The following MYT1L variants were observed in gnomAD, a reference collection of about 807,000 sequenced individuals.
MYT1L encodes the protein myelin transcription factor 1-like protein.
In MYT1L, 12 loss-of-function variants were observed where a neutral mutation model predicts 126.7. The ratio of observed to expected loss-of-function variants is 0.09; its 90% CI spans 0.06 to 0.15. The LOEUF (loss-of-function observed/expected upper bound fraction) is 0.15. Among genes scored for constraint, MYT1L ranks in the 10% least tolerant of loss-of-function variants. The pLI is 1.00. For synonymous variants in MYT1L, 541 were observed against 604.2 expected, an observed-to-expected ratio of 0.90 and a Z score of 1.53; for missense variants, 979 against 1,585.2, an observed-to-expected ratio of 0.62 and a Z score of 6.49.
rs1165899107 is a variant in MYT1L at position 1,789,510 on chromosome 2, T to C, written c.*2357A>G. On this transcript the variant is annotated 3_prime_UTR_variant, in exon 25 of 25. Transcript: ENST00000647738. ...ATAATAGTCACAGATAACTTTTGATTTGAGATTATGTACCAACGTTAGATG... is the reference window on the plus strand; with the variant it reads ...ATAATAGTCACAGATAACTTTTGATCTGAGATTATGTACCAACGTTAGATG... 1 of 152,222 alleles carries C rather than the reference T, an allele frequency of 6.6e-6. No individual in the cohort carries two copies. Among genetic ancestry groups the C allele is most frequent in the Non-Finnish European group, 1.5e-5 (1 of 68,042 alleles). 9.4% of individuals were successfully genotyped at this position (152,222 alleles called of 1,614,324 possible).
chr2:2,240,517 C>T (rs1440831525), intron 2 of MYT1L, among the ~76,000 whole-genome samples: 1 of 152,090 alleles, frequency 6.6e-6, no homozygotes. Flanking sequence ...TTTATTGCTA[C>T]TTTGAAATAG....
chr2:1,815,107 G>T (rs2037410507), intron 21 of MYT1L, among the ~76,000 whole-genome samples: 1 of 152,212 alleles, frequency 6.6e-6, no homozygotes, highest in African/African-American at 2.4e-5. Flanking sequence ...AACCATGAAA[G>T]GCAGATGTCA....
chr2:1,964,877 G>A (rs2059218360), intron 8 of MYT1L, among the ~76,000 whole-genome samples: 1 of 152,158 alleles, frequency 6.6e-6, no homozygotes, highest in African/African-American at 2.4e-5. Context: ...CTGCTGACAA[G>A]GAGCTTGGGG....
Position 1,917,454 on chromosome 2 carries a change from G to A in MYT1L, c.1484-115C>T. 1 of 1,280,178 alleles carries A rather than the reference G, an allele frequency of 7.8e-7. No homozygotes were observed. Among genetic ancestry groups the A allele is most frequent in the East Asian group, 2.3e-5 (1 of 42,820 alleles). The allele number at this position is 1,280,178 out of a possible 1,614,324, so 79.3% of individuals were successfully genotyped here. ...GAAAGAAATAAAGCAGGTGTCGGGG[G>A]CTAGGCTGTGACATCAGACTTTTGC... On this transcript the variant is annotated intron_variant, in intron 10 of 24. Transcript: ENST00000647738. This position sits in a 1 kb window ranked among gnomAD's most constrained non-coding sequence, Gnocchi z 5.9.
intron 8 of MYT1L, among the ~76,000 whole-genome samples, chr2:1,970,998 C>T (rs191053156): frequency 2.4e-4 from 37 of 152,166 alleles, no homozygotes; most frequent in Admixed American, 1.0e-3. Flanking sequence ...TGTTCCTTCT[C>T]CTTGAATTGG....
At chr2:1,961,376 C>T (rs546092114) in intron 8 of MYT1L, among the ~76,000 whole-genome samples, 7 of 152,308 alleles carry the variant, frequency 4.6e-5, no homozygotes, top group Admixed American at 4.6e-4. Flanking sequence ...TTACCCACTC[C>T]TTCTTGGTCT....
chr2:2,016,583 A>G (rs1391961885), intron 4 of MYT1L, among the ~76,000 whole-genome samples: 1 of 152,244 alleles, frequency 6.6e-6, no homozygotes, highest in Non-Finnish European at 1.5e-5. Context: ...CACAGCACTC[A>G]GTGGCTGCTG....
intron 10 of MYT1L, among the ~76,000 whole-genome samples, chr2:1,919,940 G>C (rs754816646): frequency 2.0e-5 from 3 of 150,278 alleles, no homozygotes; most frequent in Non-Finnish European, 4.4e-5. Context: ...GGATGGTCTC[G>C]ATCTCCTGAC....
At chr2:1,924,069 G>A (rs1367989767) in intron 9 of MYT1L, among the ~76,000 whole-genome samples, 2 of 152,210 alleles carry the variant, frequency 1.3e-5, no homozygotes, top group Non-Finnish European at 1.5e-5. Flanking sequence ...GACTGGACAG[G>A]CAGAGCTGGC....
At chr2:1,893,380 C>T (rs1288029209) in intron 14 of MYT1L, among the ~76,000 whole-genome samples, 1 of 152,182 alleles carries the variant, frequency 6.6e-6, no homozygotes, top group African/African-American at 2.4e-5. Context: ...TAAATCCCTC[C>T]GTCAGTGAGC....
chr2:2,191,188 A>G (rs1002847072), intron 2 of MYT1L, among the ~76,000 whole-genome samples: 1 of 152,136 alleles, frequency 6.6e-6, no homozygotes, highest in Non-Finnish European at 1.5e-5. Flanking sequence ...CATGGATGGA[A>G]TGGCTCCCTT....
At chr2:1,885,351 T>C (rs1302376031) in intron 18 of MYT1L, 1 of 152,708 alleles carries the variant, frequency 6.5e-6, no homozygotes, top group Non-Finnish European at 1.5e-5. Flanking sequence ...GCTACAGACT[T>C]TACAGCCGTT....
In MYT1L at chr2:2,250,620, T is replaced by C. The variant is rs536788147; in HGVS notation, c.-421+33784A>G. Among the ~76,000 whole-genome samples, 15 of 150,074 alleles carry C rather than the reference T, an allele frequency of 1.0e-4. No individual in the cohort carries two copies. In the South Asian group the frequency reaches 2.9e-3, roughly 29 times the overall value. ...ATTTGATAGCACAACAAAGAGACTA[T>C]AGTCAATAATAATTTAATTGTACAC... On this transcript the variant is annotated intron_variant, in intron 2 of 24. Transcript: ENST00000647738.
chr2:2,330,510 T>G (rs933894496), intron 1 of MYT1L, among the ~76,000 whole-genome samples: 1 of 152,202 alleles, frequency 6.6e-6, no homozygotes, highest in Non-Finnish European at 1.5e-5. Context: ...AAAATCTTTA[T>G]TTGAGTTTCT....
chr2:2,220,115 C>T (rs11681135), intron 2 of MYT1L, among the ~76,000 whole-genome samples: 23,974 of 152,062 alleles, frequency 0.16, 2,188 homozygotes, highest in South Asian at 0.25. Context: ...GAGTCTAACT[C>T]TGTGAAATAT....
intron 1 of MYT1L, among the ~76,000 whole-genome samples, chr2:2,290,069 C>T (rs1360991233): frequency 2.0e-5 from 3 of 152,204 alleles, no homozygotes; most frequent in African/African-American, 4.8e-5. Flanking sequence ...AACTCAGCAT[C>T]GCAACGCTGC....
chr2:2,036,632 T>C (rs2066886595), intron 4 of MYT1L, among the ~76,000 whole-genome samples: 1 of 152,246 alleles, frequency 6.6e-6, no homozygotes, highest in African/African-American at 2.4e-5. Flanking sequence ...TGAGTCTTTA[T>C]GATTTTATCT....
chr2:1,964,321 A>C (rs1475215696), intron 8 of MYT1L, among the ~76,000 whole-genome samples: 1 of 152,256 alleles, frequency 6.6e-6, no homozygotes, highest in African/African-American at 2.4e-5. Flanking sequence ...CATAACAGAC[A>C]TAACAATAAT....
rs537963400 is a variant in MYT1L, at chr2:1,884,294, G to A, written c.2711+2245C>T. Among the ~76,000 whole-genome samples the A allele has an allele frequency of 1.2e-3, 189 of 152,306 alleles. 1 individual carries two copies. The highest frequency in any genetic ancestry group is 4.4e-3 in the African/African-American group (182 of 41,566). On this transcript the variant is annotated intron_variant, in intron 18 of 24. Transcript: ENST00000647738. Reference sequence around the variant, plus strand: ...TAATATCACGATGTTAATCAGGGACGATGCTGCTGCAGGACAAATTAACCA... The same window carrying A: ...TAATATCACGATGTTAATCAGGGACAATGCTGCTGCAGGACAAATTAACCA...
Sources: allele counts gnomAD v4.1 joint callset (sites outside exome capture counted in the v4.1 genomes callset), GRCh38; gene constraint gnomAD v4.1.1; non-coding constraint Gnocchi (gnomAD v3.1); transcripts MANE v1.5; gene names NCBI Gene and HGNC (gene_info 2026-07-23, HGNC 2026-07-21).